Variants in PTPRD observed in about 807,000 individuals in gnomAD.
The protein encoded by PTPRD is receptor-type tyrosine-protein phosphatase delta.
In PTPRD, 34 loss-of-function variants were observed where a neutral mutation model predicts 214.5. The observed-to-expected ratio is 0.16, with a 90% CI of 0.12 to 0.21. The LOEUF (loss-of-function observed/expected upper bound fraction) is 0.21. Among genes scored for constraint, PTPRD ranks in the 10% least tolerant of loss-of-function variants. The pLI is 1.00. For synonymous variants in PTPRD, 1,128 were observed against 845.7 expected (o/e 1.33, Z -5.79); for missense variants, 2,545 against 2,398.7 (o/e 1.06, Z -1.27).
At chr9:8,874,614 A>G (rs1398621106) in intron 11 of PTPRD, among the ~76,000 whole-genome samples, 1 of 152,114 alleles carries the variant, frequency 6.6e-6, no homozygotes, top group African/African-American at 2.4e-5. Flanking sequence ...AATGACTCTT[A>G]TCTCTTCCCT....
chr9:10,327,545 T>C lies in PTPRD; in HGVS notation c.-545+13418A>G, dbSNP rs142925019. 2.4e-4 allele frequency among the ~76,000 whole-genome samples: 37 copies of C among 151,774 alleles called. 1 individual carries two copies. In the East Asian group the frequency reaches 7.0e-3, roughly 29 times the overall value. On this transcript the variant is annotated intron_variant, in intron 3 of 45. Coordinates refer to ENST00000381196, the MANE Select transcript of PTPRD (RefSeq NM_002839.4). The stretch of plus-strand genomic sequence containing the variant: ...CTCTAGAATATTCTATATTATATCA[T>C]TGGGTTTGGAAACCGTTTCCTGGAG...
chr9:10,354,847 C>A (rs996039921), intron 2 of PTPRD, among the ~76,000 whole-genome samples: 10 of 152,090 alleles, frequency 6.6e-5, no homozygotes, highest in Admixed American at 1.3e-4. Context: ...GTGTGCCGTA[C>A]GTGCTTTGTG....
chr9:10,043,319 T>C (rs1413372545), intron 3 of PTPRD, among the ~76,000 whole-genome samples: 1 of 151,906 alleles, frequency 6.6e-6, no homozygotes, highest in African/African-American at 2.4e-5. Flanking sequence ...TATCCATTGC[T>C]TTACTTAGAG....
At chr9:8,471,167 A>G in intron 30 of PTPRD, 82 bp from the exon 31 acceptor site, 1 of 1,189,544 alleles carries the variant, frequency 8.4e-7, no homozygotes, top group Non-Finnish European at 1.3e-6. Context: ...CCACAGACCA[A>G]TGAGGTTGAA....
intron 10 of PTPRD, among the ~76,000 whole-genome samples, chr9:9,093,055 A>G (rs2099778518): frequency 1.3e-5 from 2 of 152,102 alleles, no homozygotes; most frequent in African/African-American, 4.8e-5. Flanking sequence ...CGGCTATACT[A>G]AAATAAAGTA....
Position 8,590,165 on chromosome 9 carries a change from A to G in PTPRD, c.352+43152T>C, listed in dbSNP as rs1258365709. 2.0e-5 allele frequency among the ~76,000 whole-genome samples: 3 copies of G among 152,292 alleles called. No homozygotes were observed. In the East Asian group the frequency reaches 5.8e-4, roughly 29 times the overall value. ...TGGAATTGATTTTATTAAAGCTGAT[A>G]ATAGAAACCAGATGGTCCAAGTATC... On this transcript the variant is annotated intron_variant, in intron 14 of 45. Coordinates refer to ENST00000381196, the MANE Select transcript of PTPRD (RefSeq NM_002839.4).
chr9:9,941,233 G>A (rs1214993221), intron 4 of PTPRD, among the ~76,000 whole-genome samples: 1 of 152,140 alleles, frequency 6.6e-6, no homozygotes. Flanking sequence ...GACTATGAGG[G>A]AAGGGAAAAG....
chr9:9,024,703 G>A (rs1314457919), intron 10 of PTPRD, among the ~76,000 whole-genome samples: 1 of 151,412 alleles, frequency 6.6e-6, no homozygotes. Flanking sequence ...TTTCATTTGT[G>A]TTTATTAGTT....
chr9:8,709,432 A>G (rs1339415098), intron 12 of PTPRD, among the ~76,000 whole-genome samples: 3 of 150,436 alleles, frequency 2.0e-5, no homozygotes, highest in South Asian at 2.1e-4. Flanking sequence ...GGAGAATGGC[A>G]TGAACCCAGG....
intron 10 of PTPRD, among the ~76,000 whole-genome samples, chr9:9,059,144 C>G (rs1433846553): frequency 6.6e-6 from 1 of 152,138 alleles, no homozygotes; most frequent in East Asian, 1.9e-4. Context: ...AGAAAGCATG[C>G]TGGGCAGCAC....
intron 3 of PTPRD, among the ~76,000 whole-genome samples, chr9:10,228,660 A>T (rs1257591277): frequency 1.3e-5 from 2 of 151,502 alleles, no homozygotes; most frequent in Non-Finnish European, 2.9e-5. Flanking sequence ...TTATGATTAA[A>T]AGAGGGTAAT....
At chr9:10,354,121 G>A (rs1228789379) in intron 2 of PTPRD, among the ~76,000 whole-genome samples, 3 of 151,892 alleles carry the variant, frequency 2.0e-5, no homozygotes, top group African/African-American at 7.3e-5. Flanking sequence ...CCATTTAATC[G>A]GTAATTGCAA....
chr9:8,387,081 A>AAC (rs2087380203), intron 37 of PTPRD, among the ~76,000 whole-genome samples: 1 of 152,178 alleles, frequency 6.6e-6, no homozygotes, highest in Non-Finnish European at 1.5e-5. Context: ...GTACAGGCTG[A>AAC]ACCACCACAG....
At chr9:9,155,202 C>T (rs1052865722) in intron 10 of PTPRD, among the ~76,000 whole-genome samples, 7 of 152,060 alleles carry the variant, frequency 4.6e-5, no homozygotes, top group African/African-American at 9.7e-5. Flanking sequence ...GGTAATGTAT[C>T]GGCCTTTTCA....
At chr9:8,985,580 G>A (rs1368679) in intron 11 of PTPRD, among the ~76,000 whole-genome samples, 5,211 of 151,484 alleles carry the variant, frequency 0.034, 121 homozygotes, top group Middle Eastern at 0.065. Flanking sequence ...GATTATACAC[G>A]CAGGGATAGT....
chr9:10,417,772 C>T (rs2098506357), intron 2 of PTPRD, among the ~76,000 whole-genome samples: 1 of 151,802 alleles, frequency 6.6e-6, no homozygotes, highest in African/African-American at 2.4e-5. Context: ...AGACAAGGAG[C>T]TCTGAATATA....
At position 8,485,967 on chromosome 9, in the gene PTPRD, A is replaced by G; in HGVS notation, c.2850T>C (p.Ile950=). 6.2e-7 allele frequency: 1 copy of G among 1,614,160 alleles called. No homozygotes were observed. The highest frequency in any genetic ancestry group is 1.1e-5 in the South Asian group (1 of 91,074). The change falls in exon 28 of 46, where the codon ATT becomes ATC. Residue 950 remains isoleucine (I), a synonymous_variant. Coordinates refer to ENST00000381196, the MANE Select transcript of PTPRD (RefSeq NM_002839.4). ...QPPVLAERNG[I]ITKYTLLYRD... is the part of the protein sequence containing the mutation. Reference sequence around the variant, plus strand: ...TATAAAGAAGGGTATACTTGGTGATAATGCCATTTCTCTCTGCCAGGACAG... The same window carrying G: ...TATAAAGAAGGGTATACTTGGTGATGATGCCATTTCTCTCTGCCAGGACAG...
chr9:9,453,026 T>A (rs994433452), intron 8 of PTPRD, among the ~76,000 whole-genome samples: 4 of 151,036 alleles, frequency 2.6e-5, no homozygotes, highest in East Asian at 1.9e-4. Context: ...TTTTATTTTT[T>A]TTTTTTGCTC....
intron 14 of PTPRD, among the ~76,000 whole-genome samples, chr9:8,530,069 G>C (rs567207273): frequency 1.3e-5 from 2 of 151,944 alleles, no homozygotes; most frequent in Non-Finnish European, 2.9e-5. Context: ...GCTTCTCCTT[G>C]GGTGCCTCCT....
Sources: gnomAD v4.1 joint callset for allele counts (sites outside exome capture counted in the v4.1 genomes callset) on GRCh38, gnomAD v4.1.1 for gene constraint, MANE v1.5 for transcripts, NCBI Gene and HGNC (gene_info 2026-07-23, HGNC 2026-07-21) for gene names.